MPP4: variants seen among roughly 807,000 people sequenced by gnomAD.
MPP4 encodes the protein MAGUK p55 subfamily member 4.
Under a neutral mutation model 98.3 loss-of-function variants are expected in MPP4, and 91 were observed. That is an observed-to-expected ratio of 0.93 (90% CI 0.78 to 1.10). MPP4 has a LOEUF of 1.10. Among genes scored for constraint, MPP4 ranks in the 50% least tolerant of loss-of-function variants. The pLI, the probability that MPP4 is intolerant of heterozygous loss-of-function variation, is 0.00. For missense variants in MPP4, 744 were observed against 792.9 expected (o/e 0.94, Z 0.74); for synonymous variants, 261 against 271.8 (o/e 0.96, Z 0.39).
chr2:201,645,521 C>T (rs1035515588), intron 21 of MPP4, 117 bp from the exon 22 acceptor site: 34 of 784,694 alleles, frequency 4.3e-5, no homozygotes, highest in African/African-American at 2.0e-4. Context: ...CAGTAAGGTC[C>T]GAAAATTTTG....
chr2:201,652,970 C>G (rs1383309733), intron 18 of MPP4, among the ~76,000 whole-genome samples: 1 of 152,178 alleles, frequency 6.6e-6, no homozygotes, highest in Non-Finnish European at 1.5e-5. Context: ...ATTTTGCAAA[C>G]CCTATCTCAC....
chr2:201,651,109 C>A (rs1687702048), intron 18 of MPP4: 1 of 985,294 alleles, frequency 1.0e-6, no homozygotes, highest in Non-Finnish European at 1.2e-6. Flanking sequence ...ACCATTAGTT[C>A]CCCTTATTCA....
intron 1 of MPP4, among the ~76,000 whole-genome samples, chr2:201,696,661 T>A (rs1175991066): frequency 6.6e-6 from 1 of 152,160 alleles, no homozygotes; most frequent in Non-Finnish European, 1.5e-5. Flanking sequence ...TGAGATGAAT[T>A]TATTGTGAGG....
intron 4 of MPP4, 120 bp downstream of exon 4, chr2:201,690,082 T>C (rs922408108): frequency 5.5e-6 from 3 of 546,384 alleles, no homozygotes; most frequent in Non-Finnish European, 9.5e-6. Flanking sequence ...GAAACATTTA[T>C]TAGATGCATA....
At chr2:201,657,590 G>GTTTTTTTTTTCTTTTTTTTTTT (rs929926346) in intron 16 of MPP4, among the ~76,000 whole-genome samples, 1 of 91,124 alleles carries the variant, frequency 1.1e-5, no homozygotes, top group African/African-American at 4.3e-5. Flanking sequence ...CCTGGCCCTT[G>GTTTTTTTTTTCTTTTTTTTTTT]TTTTTTTTTT....
intron 12 of MPP4, among the ~76,000 whole-genome samples, chr2:201,668,738 C>A (rs953916945): frequency 1.3e-5 from 2 of 152,192 alleles, no homozygotes; most frequent in Non-Finnish European, 2.9e-5. Flanking sequence ...GGCCTTATCA[C>A]CCACCACTAC....
chr2:201,684,675 G>A (rs1003696771), intron 7 of MPP4, among the ~76,000 whole-genome samples: 1 of 152,160 alleles, frequency 6.6e-6, no homozygotes, highest in African/African-American at 2.4e-5. Flanking sequence ...TCTCAGGACG[G>A]GTGTGTGGCT....
chr2:201,662,319 C>A lies in MPP4; in HGVS notation c.1072+1762G>T, dbSNP rs182206654. Among the ~76,000 whole-genome samples, 186 of 149,840 alleles carry A rather than the reference C, an allele frequency of 1.2e-3. 1 individual carries two copies. The highest frequency in any genetic ancestry group is 4.4e-3 in the African/African-American group (182 of 41,080). ...AGGAGTTCGAGACTAGCCTGAGCAA[C>A]ATGGAAACCCGTCTCTACTAAAAAT... On this transcript the variant is annotated intron_variant, in intron 14 of 21. Coordinates refer to ENST00000409474, the MANE Select transcript of MPP4 (RefSeq NM_033066.3).
In MPP4 at chr2:201,682,838, T is replaced by G. The variant is rs375508982; in HGVS notation, c.653A>C (p.His218Pro). 12 of 1,613,732 alleles carry G rather than the reference T, an allele frequency of 7.4e-6. No homozygotes were observed. The African/African-American group carries it at 1.6e-4, about 22-fold the overall frequency. The change falls in exon 8 of 22, where the codon CAT becomes CCT. Residue 218 changes from histidine to proline, a missense_variant. Coordinates refer to ENST00000409474, the MANE Select transcript of MPP4 (RefSeq NM_033066.3). ...VEGLDPEQVIHILAMSRGTIM... is the reference protein window; with the variant it reads ...VEGLDPEQVIPILAMSRGTIM... The stretch of plus-strand genomic sequence containing the variant: ...GGCAAAAAGAAGATTTACCAGAATA[T>G]GGATCACTTGTTCAGGGTCCAGTCC...
chr2:201,667,825 T>G (rs1688226083), intron 12 of MPP4, among the ~76,000 whole-genome samples: 1 of 152,150 alleles, frequency 6.6e-6, no homozygotes, highest in Non-Finnish European at 1.5e-5. Context: ...CATCACTCAT[T>G]AATGTTTTTA....
chr2:201,694,608 C>CTTTTTTT (rs777556505), intron 1 of MPP4, among the ~76,000 whole-genome samples: 91 of 78,900 alleles, frequency 1.2e-3, no homozygotes, highest in East Asian at 1.9e-3. Flanking sequence ...TTCTTTTTCC[C>CTTTTTTT]TTTTTTTTTT....
chr2:201,687,239 C>A (rs1300583169), intron 5 of MPP4, 52 bp downstream of exon 5: 3 of 1,436,900 alleles, frequency 2.1e-6, no homozygotes, highest in Non-Finnish European at 2.9e-6. Flanking sequence ...TCCTTCCCAA[C>A]TTTGTCTATG....
intron 2 of MPP4, among the ~76,000 whole-genome samples, chr2:201,693,245 T>C (rs1357063984): frequency 1.3e-5 from 2 of 152,184 alleles, no homozygotes; most frequent in Non-Finnish European, 1.5e-5. Flanking sequence ...TTGCCCAAGA[T>C]GAGAAGGTGC....
chr2:201,647,755 C>T lies in MPP4; in HGVS notation c.1655G>A (p.Cys552Tyr), dbSNP rs775629718. ...VIFIKPSNMR[C>Y]MKQSRKNAKV... ...GGCATTTTTCCGAGATTGTTTCATACACCTCATATTCGATGGCTTTATAAA... is the reference window on the plus strand; with the variant it reads ...GGCATTTTTCCGAGATTGTTTCATATACCTCATATTCGATGGCTTTATAAA... The change falls in exon 21 of 22, where the codon TGT becomes TAT. Residue 552 changes from cysteine to tyrosine, a missense_variant. Transcript: ENST00000409474. The T allele has an allele frequency of 8.1e-6, 13 of 1,613,950 alleles. No homozygotes were observed. Among genetic ancestry groups the T allele is most frequent in the Non-Finnish European group, 9.3e-6 (11 of 1,179,834 alleles).
In MPP4 at chr2:201,645,318, G is replaced by T; in HGVS notation, c.1806C>A (p.Asp602Glu). 1 of 1,613,978 alleles carries T rather than the reference G, an allele frequency of 6.2e-7. No homozygotes were observed. The highest frequency in any genetic ancestry group is 8.5e-7 in the Non-Finnish European group (1 of 1,179,880). ...GQFFDHVIVN[D>E]SLHDACAQLL... ...ACTGGGCACATGCATCGTGCAAGCTGTCATTCACAATCACATGATCAAAAA... is the reference window on the plus strand; with the variant it reads ...ACTGGGCACATGCATCGTGCAAGCTTTCATTCACAATCACATGATCAAAAA... The change falls in exon 22 of 22, where the codon GAC (aspartate) becomes GAA (glutamate). Residue 602 changes from aspartate (D) to glutamate (E), a missense_variant. Transcript: ENST00000409474.
intron 17 of MPP4, 96 bp downstream of exon 17, chr2:201,656,102 G>A (rs1687838850): frequency 1.5e-6 from 2 of 1,331,366 alleles, no homozygotes; most frequent in Admixed American, 2.9e-5. Flanking sequence ...GGTCCATAAA[G>A]AGTTCTACTT....
chr2:201,686,495 G>A (rs769282398), intron 5 of MPP4, among the ~76,000 whole-genome samples: 9 of 152,216 alleles, frequency 5.9e-5, no homozygotes, highest in Non-Finnish European at 1.3e-4. Context: ...AAGGGCTCAT[G>A]TGGTACAGAA....
Position 201,656,342 on chromosome 2 carries a change from A to G in MPP4, c.1156T>C (p.Cys386Arg), listed in dbSNP as rs949257420. 6.4e-7 allele frequency: 1 copy of G among 1,554,258 alleles called. No individual in the cohort carries two copies. Among genetic ancestry groups the G allele is most frequent in the Non-Finnish European group, 8.7e-7 (1 of 1,148,432 alleles). The change falls in exon 17 of 22, where the codon TGT becomes CGT. Residue 386 changes from cysteine to arginine, a missense_variant. Transcript: ENST00000409474. ...GGGCTGAGGTGAGACTTCCTGCGAC[A>G]AAGGCGCATGCTGCGGCGGAAGCCA... ...IAGFRRSMRL[C>R]RRKSHLSPLH...
At chr2:201,674,652 T>C (rs920351982) in intron 11 of MPP4, among the ~76,000 whole-genome samples, 5 of 152,214 alleles carry the variant, frequency 3.3e-5, no homozygotes, top group Admixed American at 3.3e-4. Flanking sequence ...ATTTTATTTA[T>C]AGTTTAAATG....
Sources: allele counts gnomAD v4.1 joint callset (sites outside exome capture counted in the v4.1 genomes callset), GRCh38; gene constraint gnomAD v4.1.1; transcripts MANE v1.5; gene names NCBI Gene and HGNC (gene_info 2026-07-23, HGNC 2026-07-21).